PACRGL: variants seen among roughly 807,000 people sequenced by gnomAD.
The protein encoded by PACRGL is parkin coregulated like, also known as PACRG-like protein.
PACRGL carries 38 observed loss-of-function variants against 34.5 expected under a neutral mutation model. That is an observed-to-expected ratio of 1.10 (90% CI 0.85 to 1.44). The LOEUF (loss-of-function observed/expected upper bound fraction) is 1.44. PACRGL is among the 40% of genes most tolerant of loss of function. PACRGL has a pLI of 0.00. For missense variants in PACRGL, 305 were observed against 281.4 expected, an observed-to-expected ratio of 1.08 and a Z score of -0.60; for synonymous variants, 128 against 100.1, an observed-to-expected ratio of 1.28 and a Z score of -1.66.
intron 8 of PACRGL, among the ~76,000 whole-genome samples, chr4:20,743,402 G>A (rs1364354417): frequency 6.6e-6 from 1 of 152,264 alleles, no homozygotes; most frequent in African/African-American, 2.4e-5. Context: ...AAACAGCATG[G>A]TACTGGTACC....
At chr4:20,741,469 A>G (rs1171227751) in intron 8 of PACRGL, among the ~76,000 whole-genome samples, 1 of 152,240 alleles carries the variant, frequency 6.6e-6, no homozygotes, top group Non-Finnish European at 1.5e-5. Flanking sequence ...CTGAATGACC[A>G]CTGGGTAGAT....
At chr4:20,724,293 C>A (rs192643319) in intron 7 of PACRGL, among the ~76,000 whole-genome samples, 5 of 152,224 alleles carry the variant, frequency 3.3e-5, no homozygotes, top group Admixed American at 3.3e-4. Context: ...GCTGATGGCC[C>A]ATGGATCTGC....
chr4:20,743,092 G>A (rs566465152), intron 8 of PACRGL, among the ~76,000 whole-genome samples: 5 of 151,582 alleles, frequency 3.3e-5, no homozygotes, highest in South Asian at 4.2e-4. Context: ...TGTGAACTAC[G>A]AACCACTGCT....
intron 7 of PACRGL, 23 bp from the exon 8 acceptor site, chr4:20,724,785 T>TC: frequency 2.2e-6 from 3 of 1,361,956 alleles, no homozygotes; most frequent in Non-Finnish European, 2.9e-6. Context: ...TCATTTCGTT[T>TC]CCCCCTAATC....
intron 3 of PACRGL, among the ~76,000 whole-genome samples, chr4:20,706,662 G>A (rs1200326909): frequency 2.6e-5 from 4 of 151,548 alleles, no homozygotes; most frequent in African/African-American, 4.9e-5. Context: ...TGCAAACTCC[G>A]CCTCCTGCAT....
At position 20,723,609 on chromosome 4, in the gene PACRGL, C is replaced by T. The variant is rs185439597; in HGVS notation, c.610-1199C>T. Among the ~76,000 whole-genome samples the T allele has an allele frequency of 1.0e-3, 154 of 152,166 alleles. 1 individual carries two copies. Among genetic ancestry groups the T allele is most frequent in the African/African-American group, 3.5e-3 (145 of 41,534 alleles). On this transcript the variant is annotated intron_variant, in intron 7 of 8. Transcript: ENST00000503585. ...CTAAATAGCCTCTAAGTCCCACCTC[C>T]GATGGCAGAAAGAAAAGACCAGATT...
At chr4:20,733,656 CAA>C (rs1748893582), downstream of PACRGL, among the ~76,000 whole-genome samples, 1 of 152,056 alleles carries the variant, frequency 6.6e-6, no homozygotes, top group African/African-American at 2.4e-5. Flanking sequence ...AATTGAAGAA[CAA>C]GAGATATTTA....
intron 7 of PACRGL, among the ~76,000 whole-genome samples, chr4:20,719,263 C>G (rs1160344825): frequency 6.6e-6 from 1 of 152,122 alleles, no homozygotes; most frequent in Admixed American, 6.5e-5. Flanking sequence ...TTTTGTTGAT[C>G]TTTTCAAAAA....
At chr4:20,743,503 G>A (rs1419306468) in intron 8 of PACRGL, among the ~76,000 whole-genome samples, 7 of 152,036 alleles carry the variant, frequency 4.6e-5, no homozygotes, top group South Asian at 2.1e-4. Context: ...AAACCTGACA[G>A]AAACAAGCAA....
At chr4:20,702,388 C>T (rs555443691) in intron 1 of PACRGL, among the ~76,000 whole-genome samples, 63 of 152,134 alleles carry the variant, frequency 4.1e-4, no homozygotes, top group African/African-American at 1.4e-3. Context: ...TTGATGTAGC[C>T]CAAGATGTTA....
In PACRGL at chr4:20,729,844, TCA is replaced by T. The variant is rs999856350; in HGVS notation, c.*2506_*2507del. ...GCCAGATTCTATTACTTTTGAATAT[TCA>T]CAGAGTATGAAATGAGTTAGACCAT... On this transcript the variant is annotated 3_prime_UTR_variant, in exon 9 of 9. Coordinates refer to ENST00000503585, the MANE Select transcript of PACRGL (RefSeq NM_001258345.3). 5.1e-6 allele frequency: 2 copies of T among 393,920 alleles called. No individual in the cohort carries two copies. The highest frequency in any genetic ancestry group is 9.0e-6 in the Non-Finnish European group (2 of 222,462). The allele number at this position is 393,920 out of a possible 1,614,324, so 24.4% of individuals were successfully genotyped here. A position where few individuals can be genotyped will look rare whatever the true frequency, so the allele number is the denominator to read the frequency against.
chr4:20,709,844 G>A (rs754082384), intron 5 of PACRGL, 71 bp downstream of exon 5: 3 of 1,292,192 alleles, frequency 2.3e-6, no homozygotes, highest in African/African-American at 2.9e-5. Flanking sequence ...CTACTTTGTA[G>A]CTTGTCAGTA....
chr4:20,734,397 G>A (rs888146166), downstream of PACRGL, among the ~76,000 whole-genome samples: 1 of 152,116 alleles, frequency 6.6e-6, no homozygotes, highest in East Asian at 1.9e-4. Context: ...TATTTATTAA[G>A]ATGCCAGCAG....
intron 1 of PACRGL, among the ~76,000 whole-genome samples, chr4:20,703,305 T>G (rs896027353): frequency 6.6e-6 from 1 of 152,108 alleles, no homozygotes; most frequent in Non-Finnish European, 1.5e-5. Context: ...GCTAATAGAA[T>G]AACTAGATTG....
chr4:20,733,363 A>G (rs1376583969), downstream of PACRGL, among the ~76,000 whole-genome samples: 4 of 152,174 alleles, frequency 2.6e-5, no homozygotes, highest in Non-Finnish European at 5.9e-5. Flanking sequence ...TCTCTAAAAC[A>G]GTCTAATTTT....
intron 1 of PACRGL, 128 bp from the exon 2 acceptor site, chr4:20,704,338 G>C (rs1379498616): frequency 1.4e-6 from 1 of 716,008 alleles, no homozygotes; most frequent in East Asian, 2.7e-5. Context: ...CCAGTATTTT[G>C]CTCCATATCA....
the PACRGL span, among the ~76,000 whole-genome samples, chr4:20,764,011 G>C: frequency 1.3e-5 from 2 of 152,104 alleles, no homozygotes; most frequent in Admixed American, 1.3e-4. Flanking sequence ...ATTTTTCTAA[G>C]GATCCAAGAA....
Position 20,728,853 on chromosome 4 carries a change from T to G in PACRGL, c.*1512T>G, listed in dbSNP as rs1380253833. The G allele has an allele frequency of 3.3e-5, 5 of 152,560 alleles. No individual in the cohort carries two copies. Among genetic ancestry groups the G allele is most frequent in the African/African-American group, 1.2e-4 (5 of 41,462 alleles). 9.5% of individuals were successfully genotyped at this position (152,560 alleles called of 1,614,324 possible). Reference sequence around the variant, plus strand: ...CTGTAGCCTCTTGGTCTTTGTGATATTTCTACAAAACAGGGACGATGTGTG... The same window carrying G: ...CTGTAGCCTCTTGGTCTTTGTGATAGTTCTACAAAACAGGGACGATGTGTG... On this transcript the variant is annotated 3_prime_UTR_variant, in exon 9 of 9. Coordinates refer to ENST00000503585, the MANE Select transcript of PACRGL (RefSeq NM_001258345.3).
upstream of PACRGL, among the ~76,000 whole-genome samples, chr4:20,699,884 C>T (rs969470376): frequency 5.9e-5 from 9 of 152,042 alleles, no homozygotes; most frequent in African/African-American, 2.2e-4. Context: ...AGCACAAAAT[C>T]GTGCTTTTTA....
Sources: allele counts gnomAD v4.1 joint callset (sites outside exome capture counted in the v4.1 genomes callset), GRCh38; gene constraint gnomAD v4.1.1; transcripts MANE v1.5; gene names NCBI Gene and HGNC (gene_info 2026-07-23, HGNC 2026-07-21).